The following FNTB variants were observed in gnomAD, a reference collection of about 807,000 sequenced individuals.
FNTB encodes protein farnesyltransferase subunit beta.
In FNTB, 27 loss-of-function variants were observed where a neutral mutation model predicts 59.4. That is an observed-to-expected ratio of 0.45 (90% CI 0.34 to 0.63). FNTB has a LOEUF of 0.63. FNTB is among the 20% of genes least tolerant of loss of function. The pLI is 0.02. For missense variants in FNTB, 449 were observed against 559.6 expected (o/e 0.80, Z 1.99); for synonymous variants, 230 against 220.7 (o/e 1.04, Z -0.37).
intron 4 of FNTB, among the ~76,000 whole-genome samples, chr14:65,025,762 G>A (rs973147601): frequency 1.6e-4 from 24 of 152,172 alleles, no homozygotes; most frequent in Non-Finnish European, 5.9e-5. Context: ...GCTGCAGTGA[G>A]CCGTGATTAT....
chr14:65,055,060 C>T (rs964959904), intron 11 of FNTB, among the ~76,000 whole-genome samples: 2 of 152,250 alleles, frequency 1.3e-5, no homozygotes, highest in Non-Finnish European at 2.9e-5. Context: ...ACTGGCTGTA[C>T]AGCCTGCCGC....
chr14:64,988,691 T>C (rs963090465), intron 1 of FNTB, among the ~76,000 whole-genome samples: 4 of 152,146 alleles, frequency 2.6e-5, no homozygotes. Flanking sequence ...CTCGGCCTCC[T>C]AGAGTGCTGG....
At position 65,011,683 on chromosome 14, in the gene FNTB, T is replaced by C. The variant is rs540184382; in HGVS notation, c.210-634T>C. Among the ~76,000 whole-genome samples the C allele has an allele frequency of 6.6e-6, 1 of 152,190 alleles. No individual in the cohort carries two copies. Among genetic ancestry groups the C allele is most frequent in the Non-Finnish European group, 1.5e-5 (1 of 68,034 alleles). ...CTGTGCTTTGCCCGGCCTGTGCAGGTGGCCATGGGCGGCACATTCCATCTT... is the reference window on the plus strand; with the variant it reads ...CTGTGCTTTGCCCGGCCTGTGCAGGCGGCCATGGGCGGCACATTCCATCTT... On this transcript the variant is annotated intron_variant, in intron 2 of 11. Transcript: ENST00000246166. This position sits in a 1 kb window ranked among gnomAD's most constrained non-coding sequence, Gnocchi z 4.0.
intron 2 of FNTB, among the ~76,000 whole-genome samples, chr14:65,005,427 T>G (rs571751042): frequency 6.6e-6 from 1 of 152,156 alleles, no homozygotes; most frequent in Non-Finnish European, 1.5e-5. Context: ...ATCTTAATGA[T>G]GGAACACTTT....
chr14:65,005,511 T>TTCTTTCTTTCTCTCTC (rs1555390096), intron 2 of FNTB, among the ~76,000 whole-genome samples: 19 of 64,444 alleles, frequency 2.9e-4, no homozygotes, highest in African/African-American at 1.4e-3. Flanking sequence ...CTTTCTTTCT[T>TTCTTTCTTTCTCTCTC]TCTCTCTCTC....
rs2062012563 is a variant in FNTB at position 65,027,870 on chromosome 14, G to A, written c.605+89G>A. 50 of 1,546,396 alleles carry A rather than the reference G, an allele frequency of 3.2e-5. No individual in the cohort carries two copies. The highest frequency in any genetic ancestry group is 4.4e-5 in the Non-Finnish European group (50 of 1,130,980). ...TGCCAAGCCTAAGGAACATCATGGG[G>A]AAGCTGCTGCTTTGTCCCAGAATGA... On this transcript the variant is annotated intron_variant, in intron 6 of 11. Coordinates refer to ENST00000246166, the MANE Select transcript of FNTB (RefSeq NM_002028.4). This position sits in a 1 kb window ranked among gnomAD's most constrained non-coding sequence, Gnocchi z 5.7.
chr14:65,024,103 T>C (rs1414914990), intron 4 of FNTB, among the ~76,000 whole-genome samples: 1 of 129,752 alleles, frequency 7.7e-6, no homozygotes, highest in East Asian at 2.3e-4. Flanking sequence ...CTCCATCTCC[T>C]AAAAAAAAAA....
intron 7 of FNTB, among the ~76,000 whole-genome samples, chr14:65,039,583 G>T (rs534523421): frequency 1.4e-3 from 218 of 152,070 alleles, no homozygotes; most frequent in African/African-American, 4.8e-3. Flanking sequence ...GCTTTTTGTT[G>T]CCCCTCTCCC....
Position 65,023,259 on chromosome 14 carries a change from A to G in FNTB, c.375-4194A>G, listed in dbSNP as rs1316644156. On this transcript the variant is annotated intron_variant, in intron 4 of 11. Transcript: ENST00000246166. This position sits in a 1 kb window ranked among gnomAD's most constrained non-coding sequence, Gnocchi z 4.1. ...ATTCTTGTAGAGATGGGGTTTTGCC[A>G]TGTTGCCCAGGCTGGCCTTGAACTC... Among the ~76,000 whole-genome samples, 4 of 152,138 alleles carry G rather than the reference A, an allele frequency of 2.6e-5. No individual in the cohort carries two copies. The highest frequency in any genetic ancestry group is 4.4e-5 in the Non-Finnish European group (3 of 68,032).
At chr14:64,987,960 A>G (rs957931395) in intron 1 of FNTB, among the ~76,000 whole-genome samples, 10 of 152,246 alleles carry the variant, frequency 6.6e-5, no homozygotes, top group Non-Finnish European at 1.0e-4. Context: ...TAACACTAAT[A>G]AATGAACATT....
intron 7 of FNTB, among the ~76,000 whole-genome samples, chr14:65,037,402 C>CTTTTTTTTTTTTTTTTTTTTTTTT (rs765037575): frequency 4.8e-4 from 7 of 14,536 alleles, no homozygotes; most frequent in Admixed American, 7.1e-4. Context: ...CACGCCGGGC[C>CTTTTTTTTTTTTTTTTTTTTTTTT]CTTTTTTTTT....
chr14:65,002,759 G>C (rs1287025255), intron 1 of FNTB, among the ~76,000 whole-genome samples: 1 of 152,102 alleles, frequency 6.6e-6, no homozygotes, highest in Non-Finnish European at 1.5e-5. Context: ...GTTTTGGAGT[G>C]GGCTGAAGTG....
chr14:64,991,759 A>G lies in FNTB; in HGVS notation c.144+4662A>G, dbSNP rs1301679366. 6.6e-6 allele frequency among the ~76,000 whole-genome samples: 1 copy of G among 152,110 alleles called. No individual in the cohort carries two copies. The highest frequency in any genetic ancestry group is 1.5e-5 in the Non-Finnish European group (1 of 68,028). On this transcript the variant is annotated intron_variant, in intron 1 of 11. Transcript: ENST00000246166. The surrounding 1 kb of genome is among the most constrained non-coding windows in gnomAD (Gnocchi z 4.4). ...GAGAACGTGGAACTGGGTGGGCTGT[A>G]AAAAATAGAGTTTGGGGCAGCCATT...
chr14:65,041,903 C>G (rs2062362103), intron 8 of FNTB, among the ~76,000 whole-genome samples: 1 of 152,174 alleles, frequency 6.6e-6, no homozygotes, highest in Non-Finnish European at 1.5e-5. Flanking sequence ...TAGGGAGTGC[C>G]TCAGTTATAA....
At chr14:65,015,480 G>A (rs2061755527) in intron 3 of FNTB, 145 bp from the exon 4 acceptor site, 2 of 363,746 alleles carry the variant, frequency 5.5e-6, no homozygotes, top group Non-Finnish European at 9.8e-6. Context: ...AAAGCAAAGT[G>A]TCCTTTATTC....
At position 65,031,979 on chromosome 14, in the gene FNTB, C is replaced by CGT. The variant is rs563468928; in HGVS notation, c.606-592_606-591dup. The stretch of plus-strand genomic sequence containing the variant: ...ATAGACGTGCGCCTTTTTCATTTAA[C>CGT]GTGTGTGTGTGTGTGTGTGTGTGTG... On this transcript the variant is annotated intron_variant, in intron 6 of 11. Coordinates refer to ENST00000246166, the MANE Select transcript of FNTB (RefSeq NM_002028.4). This position sits in a 1 kb window ranked among gnomAD's most constrained non-coding sequence, Gnocchi z 4.6. Among the ~76,000 whole-genome samples the CGT allele has an allele frequency of 0.24, 34,104 of 141,100 alleles. 4,049 individuals are homozygous for CGT. The highest frequency in any genetic ancestry group is 0.26 in the Non-Finnish European group (17,058 of 64,642). 92.6% of individuals were successfully genotyped at this position (141,100 alleles called of 152,430 possible). A position where few individuals can be genotyped will look rare whatever the true frequency, so the allele number is the denominator to read the frequency against.
intron 4 of FNTB, among the ~76,000 whole-genome samples, chr14:65,017,889 A>G (rs983093569): frequency 6.6e-6 from 1 of 152,136 alleles, no homozygotes; most frequent in Non-Finnish European, 1.5e-5. Flanking sequence ...TAGGAGGCGG[A>G]GGTTGCAGTG....
chr14:64,991,313 G>A lies in FNTB; in HGVS notation c.144+4216G>A, dbSNP rs1010917268. ...ATCTTAGAGAGATAAAAAAGAATAT[G>A]CTGTAAGGCCGAGTGCGGTGGCTCA... On this transcript the variant is annotated intron_variant, in intron 1 of 11. Coordinates refer to ENST00000246166, the MANE Select transcript of FNTB (RefSeq NM_002028.4). This position sits in a 1 kb window ranked among gnomAD's most constrained non-coding sequence, Gnocchi z 4.4. Among the ~76,000 whole-genome samples the A allele has an allele frequency of 2.0e-5, 3 of 152,078 alleles. No homozygotes were observed. Among genetic ancestry groups the A allele is most frequent in the African/African-American group, 4.8e-5 (2 of 41,412 alleles).
intron 9 of FNTB, among the ~76,000 whole-genome samples, chr14:65,049,235 C>T (rs1372233593): frequency 6.6e-6 from 1 of 151,892 alleles, no homozygotes; most frequent in South Asian, 2.1e-4. Flanking sequence ...TGTGAGTTTC[C>T]ACTTGGCTTG....
Sources: gnomAD v4.1 joint callset for allele counts (sites outside exome capture counted in the v4.1 genomes callset) on GRCh38, gnomAD v4.1.1 for gene constraint, Gnocchi (gnomAD v3.1) non-coding constraint, MANE v1.5 for transcripts, NCBI Gene and HGNC (gene_info 2026-07-23, HGNC 2026-07-21) for gene names.